The following ZNF804B variants were observed in gnomAD, a reference collection of about 807,000 sequenced individuals.
ZNF804B encodes zinc finger 804B.
ZNF804B carries 80 observed loss-of-function variants against 101.4 expected under a neutral mutation model. The observed-to-expected ratio is 0.79, with a 90% CI of 0.66 to 0.95. The LOEUF is 0.95. ZNF804B is among the 40% of genes least tolerant of loss of function. The pLI is 0.00. For missense variants in ZNF804B, 1,673 were observed against 1,561.9 expected, an observed-to-expected ratio of 1.07 and a Z score of -1.20; for synonymous variants, 622 against 558.8, an observed-to-expected ratio of 1.11 and a Z score of -1.59.
chr7:89,286,698 G>C (rs1790203610), intron 2 of ZNF804B, among the ~76,000 whole-genome samples: 1 of 152,176 alleles, frequency 6.6e-6, no homozygotes, highest in Non-Finnish European at 1.5e-5. Context: ...AGCAGTGCCA[G>C]AAAAAGAATG....
chr7:89,117,927 T>TA (rs929794138), intron 1 of ZNF804B, among the ~76,000 whole-genome samples: 8 of 152,144 alleles, frequency 5.3e-5, no homozygotes, highest in Admixed American at 3.9e-4. Flanking sequence ...CAACTACTGT[T>TA]AAAAAATGAT....
At chr7:89,316,437 T>C (rs558874745) in intron 2 of ZNF804B, among the ~76,000 whole-genome samples, 25 of 151,988 alleles carry the variant, frequency 1.6e-4, no homozygotes, top group Non-Finnish European at 2.6e-4. Flanking sequence ...TATCATAATA[T>C]CAAATATACC....
intron 1 of ZNF804B, among the ~76,000 whole-genome samples, chr7:89,153,429 G>A (rs113171432): frequency 0.015 from 2,129 of 145,446 alleles, 54 homozygotes; most frequent in African/African-American, 0.051. Flanking sequence ...TGATGATGAT[G>A]ATAATAATAA....
intron 1 of ZNF804B, among the ~76,000 whole-genome samples, chr7:88,795,972 TA>T (rs533691616): frequency 6.6e-6 from 1 of 152,214 alleles, no homozygotes; most frequent in South Asian, 2.1e-4. Flanking sequence ...TTCCGTTTGA[TA>T]AATAAAAAGT....
Position 88,872,126 on chromosome 7 carries a change from A to G in ZNF804B, c.108+112042A>G, listed in dbSNP as rs569234710. Among the ~76,000 whole-genome samples, 3 of 152,238 alleles carry G rather than the reference A, an allele frequency of 2.0e-5. No homozygotes were observed. In the East Asian group the frequency reaches 5.8e-4, roughly 29 times the overall value. ...AAATGGATTAATTCTTAAGTGTCTC[A>G]GGGGAACTTAACTGGAAATTTTGTG... On this transcript the variant is annotated intron_variant, in intron 1 of 3. Coordinates refer to ENST00000333190, the MANE Select transcript of ZNF804B (RefSeq NM_181646.5).
chr7:89,281,887 C>T (rs1790101743), intron 2 of ZNF804B, among the ~76,000 whole-genome samples: 2 of 152,108 alleles, frequency 1.3e-5, no homozygotes, highest in Non-Finnish European at 2.9e-5. Flanking sequence ...CCAAAAGTCT[C>T]AGCTTAACAT....
chr7:89,138,209 C>A (rs905251206), intron 1 of ZNF804B, among the ~76,000 whole-genome samples: 64 of 152,166 alleles, frequency 4.2e-4, no homozygotes, highest in African/African-American at 1.4e-3. Context: ...ATCAGAGCCC[C>A]CGCACACAGA....
At chr7:88,958,817 T>A (rs1339180908) in intron 1 of ZNF804B, among the ~76,000 whole-genome samples, 1 of 151,400 alleles carries the variant, frequency 6.6e-6, no homozygotes, top group Admixed American at 6.6e-5. Flanking sequence ...CTAATGATAG[T>A]GTTGGGAGGA....
chr7:89,147,361 T>C (rs1790807233), intron 1 of ZNF804B, among the ~76,000 whole-genome samples: 1 of 152,042 alleles, frequency 6.6e-6, no homozygotes, highest in Non-Finnish European at 1.5e-5. Context: ...AAAGATTTCT[T>C]TTCTCATCTT....
chr7:88,782,283 G>C (rs969328540), intron 1 of ZNF804B, among the ~76,000 whole-genome samples: 21 of 152,062 alleles, frequency 1.4e-4, no homozygotes, highest in African/African-American at 5.1e-4. Context: ...AAGGAGATCA[G>C]AGGAGGGACA....
chr7:89,162,427 T>A (rs1171836580), intron 1 of ZNF804B, among the ~76,000 whole-genome samples: 1 of 152,064 alleles, frequency 6.6e-6, no homozygotes, highest in African/African-American at 2.4e-5. Flanking sequence ...AAAAATAGAA[T>A]CTAGAAAAAT....
At chr7:89,126,147 A>G (rs1268665187) in intron 1 of ZNF804B, among the ~76,000 whole-genome samples, 1 of 152,038 alleles carries the variant, frequency 6.6e-6, no homozygotes, top group African/African-American at 2.4e-5. Flanking sequence ...TTTTTAAGAA[A>G]ATGAATTTCT....
At position 88,784,736 on chromosome 7, in the gene ZNF804B, C is replaced by G. The variant is rs912648271; in HGVS notation, c.108+24652C>G. On this transcript the variant is annotated intron_variant, in intron 1 of 3. Coordinates refer to ENST00000333190, the MANE Select transcript of ZNF804B (RefSeq NM_181646.5). ...TGCCACTTTGCATAGGTCACCCTCT[C>G]CAAGTCACCAGTGACCTTCTTGTTA... Among the ~76,000 whole-genome samples the G allele has an allele frequency of 2.0e-5, 3 of 152,186 alleles. No homozygotes were observed. The South Asian group carries it at 6.2e-4, about 32-fold the overall frequency.
chr7:88,965,366 A>G (rs995406154), intron 1 of ZNF804B, among the ~76,000 whole-genome samples: 1 of 151,394 alleles, frequency 6.6e-6, no homozygotes, highest in Non-Finnish European at 1.5e-5. Flanking sequence ...TTATTTTAAA[A>G]TAGCCCTGCA....
chr7:88,835,001 A>G (rs1156754813), intron 1 of ZNF804B, among the ~76,000 whole-genome samples: 1 of 151,864 alleles, frequency 6.6e-6, no homozygotes, highest in Non-Finnish European at 1.5e-5. Flanking sequence ...TATAGAAAAG[A>G]CACTACTGAA....
At chr7:89,257,623 T>A (rs1415755927) in intron 2 of ZNF804B, among the ~76,000 whole-genome samples, 1 of 152,104 alleles carries the variant, frequency 6.6e-6, no homozygotes. Context: ...ATTTTTAACT[T>A]TTATTTTAGG....
intron 1 of ZNF804B, among the ~76,000 whole-genome samples, chr7:88,828,354 C>A (rs1293120554): frequency 6.6e-6 from 1 of 152,034 alleles, no homozygotes; most frequent in Non-Finnish European, 1.5e-5. Context: ...CTACCCCAGG[C>A]CTTTCTGGTT....
intron 1 of ZNF804B, among the ~76,000 whole-genome samples, chr7:88,953,447 T>A (rs562402101): frequency 6.6e-6 from 1 of 151,932 alleles, no homozygotes; most frequent in Non-Finnish European, 1.5e-5. Context: ...AACACATTAT[T>A]TAAAATTGCT....
chr7:89,128,992 T>C (rs918919125), intron 1 of ZNF804B, among the ~76,000 whole-genome samples: 1 of 151,974 alleles, frequency 6.6e-6, no homozygotes, highest in South Asian at 2.1e-4. Context: ...GCAGAATTCA[T>C]TGTGCTGACT....
Sources: allele counts gnomAD v4.1 joint callset (sites outside exome capture counted in the v4.1 genomes callset), GRCh38; gene constraint gnomAD v4.1.1; transcripts MANE v1.5; gene names NCBI Gene and HGNC (gene_info 2026-07-23, HGNC 2026-07-21).